The following CNTN4 variants were observed in gnomAD, a reference collection of about 807,000 sequenced individuals.
CNTN4 encodes the protein contactin-4.
Under a neutral mutation model 122.5 loss-of-function variants are expected in CNTN4, and 77 were observed. That is an observed-to-expected ratio of 0.63 (90% CI 0.52 to 0.76). The LOEUF is 0.76. Ranked by LOEUF, CNTN4 falls within the 30% of genes least tolerant of loss-of-function variation. CNTN4 has a pLI of 0.00. For missense variants in CNTN4, 1,256 were observed against 1,259.1 expected (o/e 1.00, Z 0.04); for synonymous variants, 512 against 447.0 (o/e 1.15, Z -1.83).
intron 4 of CNTN4, among the ~76,000 whole-genome samples, chr3:2,573,289 T>C (rs1363976724): frequency 6.6e-6 from 1 of 152,206 alleles, no homozygotes; most frequent in Admixed American, 6.5e-5. Context: ...TGTTTCAAAC[T>C]TCTTGCCTTA....
chr3:2,637,177 A>G (rs2082697772), intron 4 of CNTN4, among the ~76,000 whole-genome samples: 1 of 151,936 alleles, frequency 6.6e-6, no homozygotes, highest in African/African-American at 2.4e-5. Flanking sequence ...CCTGGGCTCA[A>G]GTGATCTGCC....
rs182959104 is a variant in CNTN4, at chr3:2,603,747, C to G, written c.55+32189C>G. ...TCTTCAACAAAGCTCTATCTACTGTCATGGGGCAGCTTAGTATGACAGAAA... is the reference window on the plus strand; with the variant it reads ...TCTTCAACAAAGCTCTATCTACTGTGATGGGGCAGCTTAGTATGACAGAAA... On this transcript the variant is annotated intron_variant, in intron 4 of 24. Coordinates refer to ENST00000418658, the MANE Select transcript of CNTN4 (RefSeq NM_175607.3). Among the ~76,000 whole-genome samples, 11 of 152,298 alleles carry G rather than the reference C, an allele frequency of 7.2e-5. No homozygotes were observed. In the South Asian group the frequency reaches 2.3e-3, roughly 32 times the overall value.
intron 23 of CNTN4, among the ~76,000 whole-genome samples, chr3:3,052,819 A>G (rs1701398104): frequency 6.6e-6 from 1 of 152,168 alleles, no homozygotes; most frequent in Non-Finnish European, 1.5e-5. Flanking sequence ...GTTCCAGAGG[A>G]AAGGAATGGG....
intron 4 of CNTN4, among the ~76,000 whole-genome samples, chr3:2,661,716 G>C (rs1009246093): frequency 6.7e-6 from 1 of 150,034 alleles, no homozygotes; most frequent in African/African-American, 2.5e-5. Context: ...GGAGGCTGAG[G>C]CAGGAGAATC....
rs13084872 is a variant in CNTN4 at position 3,026,464 on chromosome 3, C to T, written c.1662+187C>T. ...TGAACAACTCTATATGGCAGGACTGCTCCCTAACTGGCACCAATCCTACAG... is the reference window on the plus strand; with the variant it reads ...TGAACAACTCTATATGGCAGGACTGTTCCCTAACTGGCACCAATCCTACAG... On this transcript the variant is annotated intron_variant, in intron 15 of 24. Transcript: ENST00000418658. Among the ~76,000 whole-genome samples, 45,494 of 152,060 alleles carry T rather than the reference C, an allele frequency of 0.3. 7,365 individuals carry two copies. The highest frequency in any genetic ancestry group is 0.36 in the Non-Finnish European group (24,790 of 67,960).
intron 3 of CNTN4, among the ~76,000 whole-genome samples, chr3:2,557,440 A>C (rs918344542): frequency 2.6e-5 from 4 of 152,176 alleles, no homozygotes; most frequent in African/African-American, 9.7e-5. Context: ...ATTAATATGC[A>C]TGGTAGGCCA....
At chr3:2,263,171 T>C (rs1010460442) in intron 2 of CNTN4, among the ~76,000 whole-genome samples, 2 of 152,144 alleles carry the variant, frequency 1.3e-5, no homozygotes, top group Admixed American at 6.6e-5. Context: ...AGTATTTTGC[T>C]CTCAAACATT....
intron 13 of CNTN4, among the ~76,000 whole-genome samples, chr3:2,986,766 A>T (rs887575812): frequency 6.6e-6 from 1 of 152,112 alleles, no homozygotes; most frequent in African/African-American, 2.4e-5. Context: ...TTTTTCCCTT[A>T]GGTTATTTAT....
Position 2,581,576 on chromosome 3 carries a change from T to C in CNTN4, c.55+10018T>C, listed in dbSNP as rs150823800. Among the ~76,000 whole-genome samples the C allele has an allele frequency of 3.3e-4, 51 of 152,294 alleles. No individual in the cohort carries two copies. In the East Asian group the frequency reaches 9.3e-3, roughly 28 times the overall value. On this transcript the variant is annotated intron_variant, in intron 4 of 24. Transcript: ENST00000418658. ...ACACATCCCCTTTAAGACACCTTCA[T>C]AGAGGAGAGAATGTCAGAGTCTTGT...
At chr3:2,185,713 G>C (rs1324867980) in intron 2 of CNTN4, among the ~76,000 whole-genome samples, 2 of 152,100 alleles carry the variant, frequency 1.3e-5, no homozygotes, top group Non-Finnish European at 2.9e-5. Context: ...AGAGATCTTG[G>C]ACTGCCAATA....
chr3:2,366,289 A>T (rs2045373671), intron 3 of CNTN4, among the ~76,000 whole-genome samples: 1 of 152,212 alleles, frequency 6.6e-6, no homozygotes, highest in Non-Finnish European at 1.5e-5. Context: ...TCATCAAATA[A>T]TGTTGTCAAT....
chr3:2,682,360 A>G (rs1400204), intron 4 of CNTN4, among the ~76,000 whole-genome samples: 61,804 of 152,078 alleles, frequency 0.41, 14,218 homozygotes, highest in African/African-American at 0.62. Flanking sequence ...TCTAGGTTAC[A>G]ATTGTTCTTA....
chr3:2,800,138 T>A (rs1453691937), intron 6 of CNTN4, among the ~76,000 whole-genome samples: 1 of 151,760 alleles, frequency 6.6e-6, no homozygotes, highest in Non-Finnish European at 1.5e-5. Flanking sequence ...GGTTGCTTTA[T>A]TGGTTCCACA....
intron 4 of CNTN4, among the ~76,000 whole-genome samples, chr3:2,632,185 T>A (rs138156550): frequency 1.6e-4 from 24 of 152,288 alleles, no homozygotes; most frequent in African/African-American, 5.3e-4. Flanking sequence ...TTCTAATTGT[T>A]TAATTCCCCT....
intron 2 of CNTN4, among the ~76,000 whole-genome samples, chr3:2,329,168 A>G (rs1437312996): frequency 6.6e-6 from 1 of 152,240 alleles, no homozygotes; most frequent in East Asian, 1.9e-4. Context: ...AAATGTTTAC[A>G]AAATAAAAAT....
At chr3:2,654,714 T>C (rs1468673094) in intron 4 of CNTN4, among the ~76,000 whole-genome samples, 1 of 152,080 alleles carries the variant, frequency 6.6e-6, no homozygotes, top group Non-Finnish European at 1.5e-5. Context: ...GCTGCTTCCC[T>C]TTGGGCCTGT....
intron 2 of CNTN4, among the ~76,000 whole-genome samples, chr3:2,304,212 T>G (rs1391460596): frequency 2.6e-5 from 4 of 152,180 alleles, no homozygotes; most frequent in Non-Finnish European, 4.4e-5. Context: ...CTTTTCAAGT[T>G]TAGATTTATA....
chr3:2,490,721 G>GA (rs1490232491), intron 3 of CNTN4, among the ~76,000 whole-genome samples: 4 of 152,064 alleles, frequency 2.6e-5, no homozygotes, highest in Admixed American at 2.0e-4. Flanking sequence ...TATCTTATAG[G>GA]AAAAATCTCA....
At chr3:2,633,391 A>C (rs2082527669) in intron 4 of CNTN4, among the ~76,000 whole-genome samples, 1 of 152,202 alleles carries the variant, frequency 6.6e-6, no homozygotes, top group African/African-American at 2.4e-5. Context: ...CTATGCGTCC[A>C]AATTCTGCTC....
Sources: gnomAD v4.1 joint callset for allele counts (sites outside exome capture counted in the v4.1 genomes callset) on GRCh38, gnomAD v4.1.1 for gene constraint, MANE v1.5 for transcripts, NCBI Gene and HGNC (gene_info 2026-07-23, HGNC 2026-07-21) for gene names.